The following FLNB variants were observed in gnomAD, a reference collection of about 807,000 sequenced individuals.
The protein encoded by FLNB is filamin B.
FLNB carries 111 observed loss-of-function variants against 250.6 expected under a neutral mutation model. The observed-to-expected ratio is 0.44, with a 90% CI of 0.38 to 0.52. The LOEUF (loss-of-function observed/expected upper bound fraction) is 0.52. Ranked by LOEUF, FLNB falls within the 20% of genes least tolerant of loss-of-function variation. The pLI, the probability that FLNB is intolerant of heterozygous loss-of-function variation, is 0.00. For synonymous variants in FLNB, 1,302 were observed against 1,372.1 expected (o/e 0.95, Z 1.13); for missense variants, 2,869 against 3,447.8 (o/e 0.83, Z 4.20).
intron 1 of FLNB, among the ~76,000 whole-genome samples, chr3:58,063,864 T>G (rs1306116801): frequency 6.6e-6 from 1 of 152,146 alleles, no homozygotes; most frequent in East Asian, 1.9e-4. Flanking sequence ...AATTAAAGGA[T>G]AAATACCTAT....
intron 22 of FLNB, among the ~76,000 whole-genome samples, chr3:58,125,255 C>T (rs1422477034): frequency 6.6e-6 from 1 of 152,084 alleles, no homozygotes; most frequent in Non-Finnish European, 1.5e-5. Context: ...GCCTCAGCCC[C>T]CTGAGTAGCT....
intron 41 of FLNB, among the ~76,000 whole-genome samples, chr3:58,156,610 CAG>C (rs1167352080): frequency 3.9e-5 from 6 of 152,156 alleles, no homozygotes; most frequent in African/African-American, 1.4e-4. Context: ...GATGGAAAAA[CAG>C]AGATACAAGG....
At chr3:58,138,124 A>C (rs548213841) in intron 28 of FLNB, among the ~76,000 whole-genome samples, 158 bp from the exon 29 acceptor site, 1 of 152,368 alleles carries the variant, frequency 6.6e-6, no homozygotes, top group East Asian at 1.9e-4. Context: ...CCCTTTGAGC[A>C]ACACCTGATC....
At chr3:58,080,666 G>A (rs1024874199) in intron 3 of FLNB, among the ~76,000 whole-genome samples, 3 of 150,238 alleles carry the variant, frequency 2.0e-5, no homozygotes, top group African/African-American at 4.9e-5. Context: ...GGCTAATTTT[G>A]TATTTTTAGT....
chr3:58,114,978 A>G (rs1053016527), intron 18 of FLNB, among the ~76,000 whole-genome samples: 4 of 152,014 alleles, frequency 2.6e-5, no homozygotes, highest in Admixed American at 6.5e-5. Context: ...TTGCAAATAT[A>G]TTCTCTCACT....
At chr3:58,122,019 A>T (rs1033425152) in intron 20 of FLNB, among the ~76,000 whole-genome samples, 1 of 151,690 alleles carries the variant, frequency 6.6e-6, no homozygotes, top group Non-Finnish European at 1.5e-5. Flanking sequence ...AATACAAAAA[A>T]TTAGCTGGGC....
intron 1 of FLNB, among the ~76,000 whole-genome samples, chr3:58,073,993 C>A (rs1478918287): frequency 6.6e-6 from 1 of 152,232 alleles, no homozygotes; most frequent in Non-Finnish European, 1.5e-5. Flanking sequence ...AGTGGAGTTT[C>A]ATGCATCGTA....
intron 18 of FLNB, among the ~76,000 whole-genome samples, chr3:58,116,829 A>C (rs979023724): frequency 6.6e-6 from 1 of 152,114 alleles, no homozygotes. Flanking sequence ...CAATGTCTCC[A>C]TTACGTGCTG....
At chr3:58,168,685 C>T (rs1559745078) in intron 44 of FLNB, 27 bp downstream of exon 44, 3 of 1,509,146 alleles carry the variant, frequency 2.0e-6, no homozygotes, top group Admixed American at 1.7e-5. Context: ...TTCGGAGTTA[C>T]TCTCCCTTCC....
intron 1 of FLNB, among the ~76,000 whole-genome samples, chr3:58,034,201 A>G (rs2097134859): frequency 6.6e-6 from 1 of 151,362 alleles, no homozygotes; most frequent in African/African-American, 2.4e-5. Flanking sequence ...ATCTTTTACT[A>G]CTCTTTGTAT....
At position 58,154,915 on chromosome 3, in the gene FLNB, T is replaced by C. The variant is rs1305672494; in HGVS notation, c.6759T>C (p.Ile2253=). The C allele has an allele frequency of 6.2e-7, 1 of 1,614,112 alleles. No homozygotes were observed. The highest frequency in any genetic ancestry group is 1.1e-5 in the South Asian group (1 of 91,070). The part of the protein sequence containing the change: ...HKNGSCGVSY[I]AQEPGNYEVS... ...ATGGGTCGTGCGGTGTATCTTATAT[T>C]GCCCAAGAGCCTGGTATGTATTCAG... Residue 2253 remains isoleucine (I), a synonymous_variant, in exon 40 of 46, where the codon ATT becomes ATC. Coordinates refer to ENST00000295956, the MANE Select transcript of FLNB (RefSeq NM_001457.4).
At chr3:58,159,438 A>G in intron 41 of FLNB, 116 bp from the exon 42 acceptor site, 1 of 1,035,888 alleles carries the variant, frequency 9.7e-7, no homozygotes, top group Non-Finnish European at 1.5e-6. Context: ...GTCATATGTT[A>G]TATAGAAAAA....
intron 19 of FLNB, among the ~76,000 whole-genome samples, chr3:58,119,424 C>A (rs1042902424): frequency 6.6e-6 from 1 of 152,240 alleles, no homozygotes; most frequent in African/African-American, 2.4e-5. Flanking sequence ...GGTTGCGAGT[C>A]AAGCATAAAT....
intron 1 of FLNB, among the ~76,000 whole-genome samples, chr3:58,021,301 C>G (rs2097113710): frequency 6.6e-6 from 1 of 152,152 alleles, no homozygotes; most frequent in African/African-American, 2.4e-5. Flanking sequence ...GAGCTGAGAC[C>G]CTAAAAGGCC....
intron 4 of FLNB, among the ~76,000 whole-genome samples, chr3:58,090,380 G>GC (rs1277211363): frequency 6.6e-6 from 1 of 152,080 alleles, no homozygotes; most frequent in African/African-American, 2.4e-5. Context: ...AATAGAAGAT[G>GC]CCCACTCTAA....
At chr3:58,133,125 A>G (rs1466301201) in intron 26 of FLNB, among the ~76,000 whole-genome samples, 194 bp downstream of exon 26, 1 of 151,394 alleles carries the variant, frequency 6.6e-6, no homozygotes, top group Non-Finnish European at 1.5e-5. Flanking sequence ...TCATCATTCC[A>G]TCCATCCACC....
At chr3:58,040,655 T>C (rs1162847429) in intron 1 of FLNB, among the ~76,000 whole-genome samples, 1 of 152,084 alleles carries the variant, frequency 6.6e-6, no homozygotes, top group Non-Finnish European at 1.5e-5. Flanking sequence ...CTGCCATGCC[T>C]GGCTAAGTTT....
intron 43 of FLNB, among the ~76,000 whole-genome samples, chr3:58,166,771 G>A (rs2097371308): frequency 6.6e-6 from 1 of 151,860 alleles, no homozygotes; most frequent in Admixed American, 6.6e-5. Context: ...GTGGTGAGCT[G>A]TGATCATGCC....
chr3:58,171,442 AC>A lies in FLNB; in HGVS notation c.*682del, dbSNP rs2097382275. ...TCTGGTGATTATTTCTTGCAGAATC[AC>A]CACACGAGACCATCCCGGCAGTCAT... On this transcript the variant is annotated 3_prime_UTR_variant, in exon 46 of 46. Coordinates refer to ENST00000295956, the MANE Select transcript of FLNB (RefSeq NM_001457.4). The surrounding 1 kb of genome is among the most constrained non-coding windows in gnomAD (Gnocchi z 5.5). The A allele has an allele frequency of 6.6e-6, 1 of 152,276 alleles. No individual in the cohort carries two copies. Among genetic ancestry groups the A allele is most frequent in the Non-Finnish European group, 1.5e-5 (1 of 68,208 alleles). 9.4% of individuals were successfully genotyped at this position (152,276 alleles called of 1,614,324 possible). A position where few individuals can be genotyped will look rare whatever the true frequency, so the allele number is the denominator to read the frequency against.
Sources: gnomAD v4.1 joint callset for allele counts (sites outside exome capture counted in the v4.1 genomes callset) on GRCh38, gnomAD v4.1.1 for gene constraint, Gnocchi (gnomAD v3.1) non-coding constraint, MANE v1.5 for transcripts, NCBI Gene and HGNC (gene_info 2026-07-23, HGNC 2026-07-21) for gene names.